The following CHN2 variants were observed in gnomAD, a reference collection of about 807,000 sequenced individuals.
CHN2 encodes beta-chimaerin.
CHN2 carries 35 observed loss-of-function variants against 56.3 expected under a neutral mutation model. The ratio of observed to expected loss-of-function variants is 0.62; its 90% confidence interval spans 0.47 to 0.82. The LOEUF (loss-of-function observed/expected upper bound fraction) is 0.82, where lower values mean the gene tolerates loss of function less well. Among genes scored for constraint, CHN2 ranks in the 40% least tolerant of loss-of-function variants. The pLI is 0.00. For missense variants in CHN2, 491 were observed against 580.5 expected, an observed-to-expected ratio of 0.85 and a Z score of 1.58; for synonymous variants, 210 against 212.8, an observed-to-expected ratio of 0.99 and a Z score of 0.12.
intron 3 of CHN2, among the ~76,000 whole-genome samples, chr7:29,382,318 G>A (rs1200328394): frequency 6.6e-6 from 1 of 152,142 alleles, no homozygotes; most frequent in Non-Finnish European, 1.5e-5. Flanking sequence ...GAGGGACTTC[G>A]ATTAGCAGAA....
intron 6 of CHN2, among the ~76,000 whole-genome samples, chr7:29,460,357 T>A (rs1270402335): frequency 6.6e-6 from 1 of 151,732 alleles, no homozygotes; most frequent in Admixed American, 6.6e-5. Flanking sequence ...CCATCCAACA[T>A]TTATTGAGCA....
At chr7:29,233,696 C>T (rs1018861936) in intron 1 of CHN2, among the ~76,000 whole-genome samples, 21 of 152,004 alleles carry the variant, frequency 1.4e-4, no homozygotes, top group Non-Finnish European at 1.0e-4. Context: ...CTCAACGGGC[C>T]ATTGCTGGCC....
intron 6 of CHN2, among the ~76,000 whole-genome samples, chr7:29,405,471 C>T (rs539236535): frequency 6.6e-6 from 1 of 152,292 alleles, no homozygotes; most frequent in African/African-American, 2.4e-5. Context: ...CCCTGACACA[C>T]AGACCCCTCA....
intron 3 of CHN2, among the ~76,000 whole-genome samples, chr7:29,369,755 T>C (rs1181676487): frequency 6.6e-6 from 1 of 152,122 alleles, no homozygotes; most frequent in Admixed American, 6.5e-5. Flanking sequence ...TCTTCAACCA[T>C]CCAGCGGGCT....
intron 2 of CHN2, chr7:29,148,779 G>A (rs1169299013): frequency 6.6e-6 from 1 of 152,180 alleles, no homozygotes; most frequent in Non-Finnish European, 1.5e-5. Flanking sequence ...TTTAGTTGTG[G>A]GGAAGGGATG....
chr7:29,302,789 C>G (rs1159787975), intron 1 of CHN2, among the ~76,000 whole-genome samples: 1 of 152,158 alleles, frequency 6.6e-6, no homozygotes, highest in Admixed American at 6.5e-5. Context: ...AACCTGGCAG[C>G]CACCATTCTA....
At chr7:29,401,249 CAG>C (rs1358819603) in intron 6 of CHN2, 1 of 157,560 alleles carries the variant, frequency 6.3e-6, no homozygotes, top group East Asian at 1.9e-4. Context: ...GTCTGGGCAA[CAG>C]AGCGAGACTC....
intron 7 of CHN2, among the ~76,000 whole-genome samples, chr7:29,490,799 GGTAT>G (rs1485683242): frequency 6.6e-6 from 1 of 152,048 alleles, no homozygotes; most frequent in Non-Finnish European, 1.5e-5. Context: ...TTCAGAATAT[GGTAT>G]GTATGGTATC....
intron 3 of CHN2, among the ~76,000 whole-genome samples, chr7:29,392,614 C>T (rs1203951625): frequency 6.6e-6 from 1 of 152,150 alleles, no homozygotes; most frequent in Non-Finnish European, 1.5e-5. Flanking sequence ...CCCAAAGCCC[C>T]AGCTCCGCCT....
chr7:29,308,673 A>G (rs1028877732), intron 1 of CHN2, among the ~76,000 whole-genome samples: 10 of 152,122 alleles, frequency 6.6e-5, no homozygotes, highest in African/African-American at 1.9e-4. Context: ...CACATTCCAT[A>G]TGGCCTCACC....
At chr7:29,204,338 A>T (rs1390157617) in intron 1 of CHN2, among the ~76,000 whole-genome samples, 2 of 152,202 alleles carry the variant, frequency 1.3e-5, no homozygotes, top group Non-Finnish European at 2.9e-5. Context: ...CATTACTTTT[A>T]GTAATGAAAT....
At chr7:29,262,508 G>A (rs2128832818) in intron 1 of CHN2, among the ~76,000 whole-genome samples, 1 of 152,274 alleles carries the variant, frequency 6.6e-6, no homozygotes, top group Middle Eastern at 3.4e-3. Context: ...ATCTTTCTTT[G>A]AAATCAGTAG....
chr7:29,471,130 G>C (rs1785990563), intron 6 of CHN2, among the ~76,000 whole-genome samples: 1 of 152,120 alleles, frequency 6.6e-6, no homozygotes, highest in African/African-American at 2.4e-5. Context: ...ACTTTCTAAA[G>C]TTTAGCATTT....
chr7:29,275,587 G>A (rs1791128090), intron 1 of CHN2, among the ~76,000 whole-genome samples: 1 of 152,214 alleles, frequency 6.6e-6, no homozygotes, highest in South Asian at 2.1e-4. Flanking sequence ...TTTGTGGAGT[G>A]TTTATCTCAT....
At chr7:29,428,983 C>G (rs1391247446) in intron 6 of CHN2, among the ~76,000 whole-genome samples, 2 of 152,082 alleles carry the variant, frequency 1.3e-5, no homozygotes, top group Admixed American at 1.3e-4. Flanking sequence ...TTTCTATGGG[C>G]CAGTCCTGGA....
intron 2 of CHN2, among the ~76,000 whole-genome samples, chr7:29,162,889 G>T (rs1795382429): frequency 6.6e-6 from 1 of 152,174 alleles, no homozygotes; most frequent in East Asian, 1.9e-4. Context: ...TATGTTGGTT[G>T]TGATTGTGCT....
chr7:29,474,088 G>T (rs1443916703), intron 6 of CHN2, among the ~76,000 whole-genome samples: 1 of 152,142 alleles, frequency 6.6e-6, no homozygotes, highest in Non-Finnish European at 1.5e-5. Flanking sequence ...ATATTTTGGT[G>T]TGTTTTCTTC....
At chr7:29,460,415 GGCTTAGCCAGCAGGGA>G (rs113367085) in intron 6 of CHN2, among the ~76,000 whole-genome samples, 4,602 of 152,242 alleles carry the variant, frequency 0.03, 217 homozygotes, top group African/African-American at 0.1. Context: ...TGTATTATCT[GGCTTAGCCAGCAGGGA>G]GCTTCTAAGA....
chr7:29,296,692 G>A (rs1195005568), intron 1 of CHN2, among the ~76,000 whole-genome samples: 1 of 152,200 alleles, frequency 6.6e-6, no homozygotes, highest in African/African-American at 2.4e-5. Flanking sequence ...TTTTAAAAGT[G>A]CTTCTTTCTC....
Sources: gnomAD v4.1 joint callset for allele counts (sites outside exome capture counted in the v4.1 genomes callset) on GRCh38, gnomAD v4.1.1 for gene constraint, MANE v1.5 for transcripts, NCBI Gene and HGNC (gene_info 2026-07-23, HGNC 2026-07-21) for gene names.